The following ZFR variants were observed in gnomAD, a reference collection of about 807,000 sequenced individuals.
The protein encoded by ZFR is zinc finger RNA binding protein.
In ZFR, 19 loss-of-function variants were observed where a neutral mutation model predicts 130.7. That is an observed-to-expected ratio of 0.15 (90% CI 0.10 to 0.21). The LOEUF (loss-of-function observed/expected upper bound fraction) is 0.21. Ranked by LOEUF, ZFR falls within the 10% of genes least tolerant of loss-of-function variation. ZFR has a pLI of 1.00. For missense variants in ZFR, 872 were observed against 1,321.5 expected, an observed-to-expected ratio of 0.66 and a Z score of 5.27; for synonymous variants, 466 against 456.9, an observed-to-expected ratio of 1.02 and a Z score of -0.25.
At chr5:32,387,729 T>C (rs1753072161) in intron 13 of ZFR, 30 bp from the exon 14 acceptor site, 1 of 1,581,414 alleles carries the variant, frequency 6.3e-7, no homozygotes, top group Non-Finnish European at 8.6e-7. Context: ...TATTATGATA[T>C]TTCTCTGCTT....
At chr5:32,422,524 T>C (rs1319657183) in intron 2 of ZFR, among the ~76,000 whole-genome samples, 1 of 152,112 alleles carries the variant, frequency 6.6e-6, no homozygotes, top group Admixed American at 6.6e-5. Context: ...AGGCTGGGCA[T>C]GGTGGCTCAC....
intron 10 of ZFR, among the ~76,000 whole-genome samples, chr5:32,396,096 G>A (rs923197872): frequency 6.6e-6 from 1 of 151,976 alleles, no homozygotes; most frequent in East Asian, 1.9e-4. Context: ...GCACATGCCT[G>A]TAGTCCCAGT....
intron 5 of ZFR, among the ~76,000 whole-genome samples, chr5:32,409,201 G>A (rs1027180072): frequency 6.6e-6 from 1 of 152,152 alleles, no homozygotes; most frequent in Non-Finnish European, 1.5e-5. Context: ...TGGTGAATAG[G>A]CAGTCTACCA....
At chr5:32,443,754 G>A (rs1374160844) in intron 2 of ZFR, among the ~76,000 whole-genome samples, 9 of 152,258 alleles carry the variant, frequency 5.9e-5, no homozygotes, top group Admixed American at 6.5e-5. Flanking sequence ...AGGCGACGAC[G>A]CAGAGAGGCG....
chr5:32,413,321 A>G (rs868630133), intron 5 of ZFR, among the ~76,000 whole-genome samples: 2 of 152,232 alleles, frequency 1.3e-5, no homozygotes, highest in Non-Finnish European at 2.9e-5. Context: ...AGGCAATCAC[A>G]GTAACAATAA....
intron 2 of ZFR, among the ~76,000 whole-genome samples, chr5:32,438,066 A>G (rs1407984559): frequency 6.6e-6 from 1 of 152,074 alleles, no homozygotes; most frequent in Non-Finnish European, 1.5e-5. Flanking sequence ...AACACAGTCC[A>G]TCTTTGTCAT....
intron 12 of ZFR, 26 bp downstream of exon 12, chr5:32,390,249 C>G (rs1363636560): frequency 6.2e-7 from 1 of 1,600,394 alleles, no homozygotes; most frequent in Non-Finnish European, 8.5e-7. Flanking sequence ...ACTTTCACCC[C>G]TTGTATCACC....
At chr5:32,370,401 C>T (rs1752646246) in intron 17 of ZFR, among the ~76,000 whole-genome samples, 1 of 151,418 alleles carries the variant, frequency 6.6e-6, no homozygotes, top group South Asian at 2.1e-4. Flanking sequence ...CAGACATGGT[C>T]TTGCCCTGTC....
chr5:32,402,899 A>G (rs970044352), intron 8 of ZFR, among the ~76,000 whole-genome samples: 1 of 152,050 alleles, frequency 6.6e-6, no homozygotes, highest in Non-Finnish European at 1.5e-5. Context: ...AGACACAGAT[A>G]TATCTGTATG....
At chr5:32,415,460 C>T (rs115937236) in intron 4 of ZFR, among the ~76,000 whole-genome samples, 628 of 149,838 alleles carry the variant, frequency 4.2e-3, no homozygotes, top group Non-Finnish European at 6.8e-3. Context: ...GCAGTGCTAC[C>T]ACTAAACAAA....
At chr5:32,438,297 CTT>C (rs1280171565) in intron 2 of ZFR, among the ~76,000 whole-genome samples, 23 of 105,858 alleles carry the variant, frequency 2.2e-4, no homozygotes, top group African/African-American at 3.3e-4. Flanking sequence ...GAGTTTCACT[CTT>C]GTCGCCCAGG....
In ZFR at chr5:32,406,649, A is replaced by C. The variant is rs538871818; in HGVS notation, c.1032+125T>G. ...CTCATGCCACAATACAAGTAACTTAAAAAATGCACTGGCTAAAAGCTAACA... is the reference window on the plus strand; with the variant it reads ...CTCATGCCACAATACAAGTAACTTACAAAATGCACTGGCTAAAAGCTAACA... On this transcript the variant is annotated intron_variant, in intron 6 of 19. Coordinates refer to ENST00000265069, the MANE Select transcript of ZFR (RefSeq NM_016107.5). 4.9e-5 allele frequency: 65 copies of C among 1,322,750 alleles called. 2 individuals carry two copies. The South Asian group carries it at 1.3e-3, about 27-fold the overall frequency. 81.9% of individuals were successfully genotyped at this position (1,322,750 alleles called of 1,614,324 possible).
intron 15 of ZFR, 164 bp from the exon 16 acceptor site, chr5:32,380,336 A>G (rs112932429): frequency 4.0e-6 from 2 of 498,310 alleles, no homozygotes; most frequent in East Asian, 6.0e-5. Flanking sequence ...ATAATCCAAT[A>G]TGAGGAACAA....
At chr5:32,424,190 C>T (rs146319228) in intron 2 of ZFR, among the ~76,000 whole-genome samples, 6 of 152,150 alleles carry the variant, frequency 3.9e-5, no homozygotes, top group East Asian at 3.9e-4. Flanking sequence ...ACAGAGGACT[C>T]GGCACAGAGC....
At chr5:32,444,499 C>T (rs1305335466) in intron 1 of ZFR, 123 bp downstream of exon 1, 1 of 1,321,000 alleles carries the variant, frequency 7.6e-7, no homozygotes, top group African/African-American at 1.6e-5. Context: ...CCCTCACTCA[C>T]TCGCACGCCC....
At chr5:32,389,159 TC>T (rs1193904895) in intron 12 of ZFR, among the ~76,000 whole-genome samples, 1 of 152,186 alleles carries the variant, frequency 6.6e-6, no homozygotes, top group Admixed American at 6.5e-5. Flanking sequence ...CTTCTGCATC[TC>T]TCAAGATGCA....
intron 2 of ZFR, among the ~76,000 whole-genome samples, chr5:32,438,324 C>T (rs1257107849): frequency 2.3e-5 from 3 of 132,940 alleles, no homozygotes; most frequent in Non-Finnish European, 3.1e-5. Context: ...AGTGCAATGG[C>T]GCGATCTTGG....
chr5:32,408,339 TAGA>T (rs1466160344), intron 5 of ZFR, among the ~76,000 whole-genome samples: 1 of 143,902 alleles, frequency 6.9e-6, no homozygotes, highest in African/African-American at 2.6e-5. Context: ...AAAAAAAAAC[TAGA>T]AGAACTATTC....
chr5:32,418,716 T>C (rs780420281), intron 3 of ZFR, among the ~76,000 whole-genome samples: 46 of 152,336 alleles, frequency 3.0e-4, no homozygotes, highest in Non-Finnish European at 5.6e-4. Context: ...AATACTAATA[T>C]TGTTGATTTA....
Sources: allele counts gnomAD v4.1 joint callset (sites outside exome capture counted in the v4.1 genomes callset), GRCh38; gene constraint gnomAD v4.1.1; transcripts MANE v1.5; gene names NCBI Gene and HGNC (gene_info 2026-07-23, HGNC 2026-07-21).